Variants in AP1M1 observed in about 807,000 individuals in gnomAD.
AP1M1 encodes AP-1 complex subunit mu-1.
In AP1M1, 18 loss-of-function variants were observed where a neutral mutation model predicts 57.1. The ratio of observed to expected loss-of-function variants is 0.32; its 90% CI spans 0.22 to 0.47. The LOEUF (loss-of-function observed/expected upper bound fraction) is 0.47. Ranked by LOEUF, AP1M1 falls within the 20% of genes least tolerant of loss-of-function variation. The pLI is 1.00. For synonymous variants in AP1M1, 241 were observed against 237.9 expected, an observed-to-expected ratio of 1.01 and a Z score of -0.12; for missense variants, 362 against 593.5, an observed-to-expected ratio of 0.61 and a Z score of 4.05.
In AP1M1 at chr19:16,198,012, C is replaced by A. The variant is rs1381617437; in HGVS notation, c.-15C>A. 3.8e-6 allele frequency: 6 copies of A among 1,580,284 alleles called. No homozygotes were observed. In the Admixed American group the frequency reaches 7.2e-5, roughly 19 times the overall value. Reference sequence around the variant, plus strand: ...CCACCGCCCTCGGCCGCTGCCGAGGCCTCCTGCAGCCATCATGTCCGCCAG... The same window carrying A: ...CCACCGCCCTCGGCCGCTGCCGAGGACTCCTGCAGCCATCATGTCCGCCAG... On this transcript the variant is annotated 5_prime_UTR_variant, in exon 1 of 12. Coordinates refer to ENST00000291439, the MANE Select transcript of AP1M1 (RefSeq NM_032493.4).
intron 1 of AP1M1, among the ~76,000 whole-genome samples, chr19:16,198,488 C>T (rs1277894781): frequency 6.6e-6 from 1 of 152,202 alleles, no homozygotes; most frequent in African/African-American, 2.4e-5. Context: ...GAGCCAGTCC[C>T]GCCTTCTCAG....
chr19:16,209,916 C>T (rs1203640904), intron 5 of AP1M1, among the ~76,000 whole-genome samples: 1 of 152,066 alleles, frequency 6.6e-6, no homozygotes, highest in African/African-American at 2.4e-5. Context: ...GATTTGTGTA[C>T]CCATCACCAC....
chr19:16,244,944 C>A lies in AP1M1; in HGVS notation c.*10509C>A, dbSNP rs1047439098. 6.6e-6 allele frequency: 1 copy of A among 151,906 alleles called. No homozygotes were observed. Among genetic ancestry groups the A allele is most frequent in the African/African-American group, 2.4e-5 (1 of 41,272 alleles). 9.4% of individuals were successfully genotyped at this position (151,906 alleles called of 1,614,324 possible). ...CGGAGTTTCGCTCTTGTTGCCCAGG[C>A]TGGAGTGCAATGGCGCGGTCTTTGC... is the stretch of plus-strand genomic sequence containing the variant. On this transcript the variant is annotated 3_prime_UTR_variant, in exon 12 of 12. Coordinates refer to ENST00000291439, the MANE Select transcript of AP1M1 (RefSeq NM_032493.4).
At chr19:16,217,585 AGAGGTACCTGGG>A (rs1375145539) in intron 5 of AP1M1, among the ~76,000 whole-genome samples, 5 of 152,078 alleles carry the variant, frequency 3.3e-5, no homozygotes, top group African/African-American at 1.2e-4. Flanking sequence ...GCCGCCCCCA[AGAGGTACCTGGG>A]GATTGCACTG....
intron 1 of AP1M1, among the ~76,000 whole-genome samples, chr19:16,198,574 A>G (rs1015315922): frequency 2.0e-5 from 3 of 152,108 alleles, no homozygotes; most frequent in African/African-American, 7.2e-5. Flanking sequence ...AGTGAGTTAC[A>G]AGGATTAGGT....
In AP1M1 at chr19:16,201,388, CTTTTTTTTTTTTTTTT is replaced by C. The variant is rs57467734; in HGVS notation, c.43-2058_43-2043del. Among the ~76,000 whole-genome samples, 339 of 62,424 alleles carry C rather than the reference CTTTTTTTTTTTTTTTT, an allele frequency of 5.4e-3. 3 individuals are homozygous for C. Among genetic ancestry groups the C allele is most frequent in the African/African-American group, 0.022 (322 of 14,784 alleles). The allele number at this position is 62,424 out of a possible 152,430, so 41.0% of individuals were successfully genotyped here. A position where few individuals can be genotyped will look rare whatever the true frequency, so the allele number is the denominator to read the frequency against. On this transcript the variant is annotated intron_variant, in intron 1 of 11. Coordinates refer to ENST00000291439, the MANE Select transcript of AP1M1 (RefSeq NM_032493.4). ...CAGCCAGAGCAAGCAGGGAGGATTT[CTTTTTTTTTTTTTTTT>C]TTTTTTTTTTTTGAGATGGAGTTAC...
intron 5 of AP1M1, among the ~76,000 whole-genome samples, chr19:16,219,103 T>C (rs1000227000): frequency 1.1e-4 from 17 of 152,050 alleles, no homozygotes; most frequent in African/African-American, 4.1e-4. Flanking sequence ...TGTTGTATTT[T>C]CTTCAGTTCT....
intron 10 of AP1M1, among the ~76,000 whole-genome samples, chr19:16,233,861 GC>G (rs1185631788): frequency 6.6e-6 from 1 of 150,872 alleles, no homozygotes; most frequent in Non-Finnish European, 1.5e-5. Flanking sequence ...GTCCACTCAT[GC>G]CCCATGGGAC....
chr19:16,212,706 T>G (rs2091500653), intron 5 of AP1M1, among the ~76,000 whole-genome samples: 1 of 152,222 alleles, frequency 6.6e-6, no homozygotes, highest in Non-Finnish European at 1.5e-5. Context: ...TAATTTGAGA[T>G]CTTTCTAACT....
Position 16,206,432 on chromosome 19 carries a change from TG to T in AP1M1, c.267+27del. 6.2e-7 allele frequency: 1 copy of T among 1,613,020 alleles called. No individual in the cohort carries two copies. The highest frequency in any genetic ancestry group is 1.1e-5 in the South Asian group (1 of 91,066). On this transcript the variant is annotated intron_variant, in intron 3 of 11. Coordinates refer to ENST00000291439, the MANE Select transcript of AP1M1 (RefSeq NM_032493.4). The surrounding 1 kb of genome is among the most constrained non-coding windows in gnomAD (Gnocchi z 4.3). ...AGGTGAGTCTCGCTCGGAGGGGCCGTGGGCTTGGGTGGAGGTTGTCTTGGCT... is the reference window on the plus strand; with the variant it reads ...AGGTGAGTCTCGCTCGGAGGGGCCGTGGCTTGGGTGGAGGTTGTCTTGGCT...
rs1435718646 is a variant in AP1M1, at chr19:16,240,886, AAG to A, written c.*6455_*6456del. 6.6e-6 allele frequency: 1 copy of A among 152,236 alleles called. No individual in the cohort carries two copies. The highest frequency in any genetic ancestry group is 2.4e-5 in the African/African-American group (1 of 41,460). 9.4% of individuals were successfully genotyped at this position (152,236 alleles called of 1,614,324 possible). On this transcript the variant is annotated 3_prime_UTR_variant, in exon 12 of 12. Coordinates refer to ENST00000291439, the MANE Select transcript of AP1M1 (RefSeq NM_032493.4). ...CAGGGAAGATCCTAACAGCAACACT[AAG>A]AGATTAAAATGTCTCTCCAAAGAGC...
intron 5 of AP1M1, among the ~76,000 whole-genome samples, chr19:16,218,299 C>T (rs1244700215): frequency 6.6e-6 from 1 of 152,226 alleles, no homozygotes; most frequent in Non-Finnish European, 1.5e-5. Context: ...CCCTCCCGGG[C>T]TGTCTCAGTT....
chr19:16,242,317 A>T lies in AP1M1; in HGVS notation c.*7882A>T, dbSNP rs577913402. The T allele has an allele frequency of 1.5e-4, 22 of 151,506 alleles. No individual in the cohort carries two copies. The highest frequency in any genetic ancestry group is 3.9e-4 in the East Asian group (2 of 5,168). The allele number at this position is 151,506 out of a possible 1,614,324, so 9.4% of individuals were successfully genotyped here. A position where few individuals can be genotyped will look rare whatever the true frequency, so the allele number is the denominator to read the frequency against. ...AGAGTGACACCCTGCCTCAAAAAAA[A>T]AAAATAAAATAAAGGAAAAATCAGG... On this transcript the variant is annotated 3_prime_UTR_variant, in exon 12 of 12. Coordinates refer to ENST00000291439, the MANE Select transcript of AP1M1 (RefSeq NM_032493.4).
Position 16,228,288 on chromosome 19 carries a change from G to A in AP1M1, c.888+80G>A. On this transcript the variant is annotated intron_variant, in intron 8 of 11. Transcript: ENST00000291439. This position sits in a 1 kb window ranked among gnomAD's most constrained non-coding sequence, Gnocchi z 5.0. The stretch of plus-strand genomic sequence containing the variant: ...AGGAGCCTAACCGAGGGCTGGGGGT[G>A]CCGTAGGGCTGCCATCCGTGCACCC... The A allele has an allele frequency of 1.4e-6, 2 of 1,447,760 alleles. No homozygotes were observed. Among genetic ancestry groups the A allele is most frequent in the Non-Finnish European group, 1.9e-6 (2 of 1,049,122 alleles). The allele number at this position is 1,447,760 out of a possible 1,614,324, so 89.7% of individuals were successfully genotyped here.
rs148378138 is a variant in AP1M1, at chr19:16,227,884, C to T, written c.816+194C>T. Among the ~76,000 whole-genome samples, 587 of 152,276 alleles carry T rather than the reference C, an allele frequency of 3.9e-3. 7 individuals carry two copies. Among genetic ancestry groups the T allele is most frequent in the African/African-American group, 0.012 (513 of 41,558 alleles). On this transcript the variant is annotated intron_variant, in intron 7 of 11. Transcript: ENST00000291439. The surrounding 1 kb of genome is among the most constrained non-coding windows in gnomAD (Gnocchi z 6.2). ...GCACAGACCCCTTTGGCCACCACCA[C>T]CCCTTTCCCAGGCAGCCCCCAGAGC...
rs2290804 is a variant in AP1M1, at chr19:16,208,732, C to T, written c.399-298C>T. 1.3e-3 allele frequency: 396 copies of T among 310,262 alleles called. 7 individuals are homozygous for T. The East Asian group carries it at 0.022, about 18-fold the overall frequency. The allele number at this position is 310,262 out of a possible 1,614,324, so 19.2% of individuals were successfully genotyped here. On this transcript the variant is annotated intron_variant, in intron 4 of 11. Transcript: ENST00000291439. ...TGCTCAGCAGGGACGGGAAGCAGCT[C>T]ACACCCACTTCTTGTTTTCCTTCCC...
At chr19:16,204,187 C>T (rs1247459076) in intron 2 of AP1M1, among the ~76,000 whole-genome samples, 1 of 151,306 alleles carries the variant, frequency 6.6e-6, no homozygotes, top group Non-Finnish European at 1.5e-5. Flanking sequence ...GGCCATCGTG[C>T]AGGTGGGAGG....
At chr19:16,213,316 T>C (rs1039359052) in intron 5 of AP1M1, among the ~76,000 whole-genome samples, 2 of 152,234 alleles carry the variant, frequency 1.3e-5, no homozygotes, top group Non-Finnish European at 2.9e-5. Context: ...TCTTGTTGAA[T>C]TGAATACCTT....
rs1045735285 is a variant in AP1M1, at chr19:16,245,587, C to T, written c.*11152C>T. On this transcript the variant is annotated 3_prime_UTR_variant, in exon 12 of 12. Coordinates refer to ENST00000291439, the MANE Select transcript of AP1M1 (RefSeq NM_032493.4). ...TCCACCCAGAATGACCTCTCTGTTC[C>T]TAGGAGTGTGACAGCATTTGGGGGG... 7.2e-5 allele frequency: 11 copies of T among 152,542 alleles called. No homozygotes were observed. Among genetic ancestry groups the T allele is most frequent in the African/African-American group, 2.7e-4 (11 of 41,438 alleles). The allele number at this position is 152,542 out of a possible 1,614,324, so 9.4% of individuals were successfully genotyped here.
Sources: gnomAD v4.1 joint callset for allele counts (sites outside exome capture counted in the v4.1 genomes callset) on GRCh38, gnomAD v4.1.1 for gene constraint, Gnocchi (gnomAD v3.1) non-coding constraint, MANE v1.5 for transcripts, NCBI Gene and HGNC (gene_info 2026-07-23, HGNC 2026-07-21) for gene names.